GPC5: variants seen among roughly 807,000 people sequenced by gnomAD.
The protein encoded by GPC5 is glypican 5, also known as glypican-5.
A neutral mutation model predicts 53.9 loss-of-function variants in GPC5; 47 were observed. The observed-to-expected ratio is 0.87, with a 90% CI of 0.69 to 1.11. The LOEUF is 1.11. GPC5 is among the 50% of genes most tolerant of loss of function. The probability of loss-of-function intolerance (pLI) is 0.00; values close to 1 mark genes in which losing one functional copy is unlikely to be tolerated. For synonymous variants in GPC5, 286 were observed against 263.3 expected, an observed-to-expected ratio of 1.09 and a Z score of -0.84; for missense variants, 748 against 713.1, an observed-to-expected ratio of 1.05 and a Z score of -0.56.
rs1555320540 is a variant in GPC5, at chr13:91,534,789, G to GTTTGT, written c.325+85883_325+85887dup. 2.7e-3 allele frequency among the ~76,000 whole-genome samples: 408 copies of GTTTGT among 152,010 alleles called. 1 individual carries two copies. The highest frequency in any genetic ancestry group is 9.2e-3 in the African/African-American group (383 of 41,512). Reference sequence around the variant, plus strand: ...AATCCTGTTTGTTGTTTGTTTGTTTGTTTGTTTTGTTTTGTTTTGTACATA... The same window carrying GTTTGT: ...AATCCTGTTTGTTGTTTGTTTGTTTGTTTGTTTTGTTTTGTTTTGTTTTGTACATA... On this transcript the variant is annotated intron_variant, in intron 2 of 7. Transcript: ENST00000377067.
At chr13:92,040,289 G>A (rs968634557) in intron 6 of GPC5, among the ~76,000 whole-genome samples, 3 of 151,918 alleles carry the variant, frequency 2.0e-5, no homozygotes, top group East Asian at 1.9e-4. Flanking sequence ...AGAGGTGCAC[G>A]TTAAGTGCAT....
intron 5 of GPC5, among the ~76,000 whole-genome samples, chr13:91,849,423 C>T (rs1485347450): frequency 6.6e-6 from 1 of 152,158 alleles, no homozygotes; most frequent in Admixed American, 6.5e-5. Flanking sequence ...GGTTTAATAG[C>T]TCTATGAACA....
intron 7 of GPC5, among the ~76,000 whole-genome samples, chr13:92,309,672 T>C (rs2043133112): frequency 1.3e-5 from 2 of 152,140 alleles, no homozygotes; most frequent in Non-Finnish European, 2.9e-5. Flanking sequence ...GTGCATACAT[T>C]GTAAAATGAT....
At chr13:91,957,270 AG>A in intron 6 of GPC5, among the ~76,000 whole-genome samples, 1 of 152,316 alleles carries the variant, frequency 6.6e-6, no homozygotes, top group East Asian at 1.9e-4. Context: ...GAAATAACTC[AG>A]AAAAAGATTT....
rs71202562 is a variant in GPC5, at chr13:92,787,667, C to CAAAAAAAAAAAAAA, written c.1562-78612_1562-78599dup. Among the ~76,000 whole-genome samples the CAAAAAAAAAAAAAA allele has an allele frequency of 1.2e-3, 70 of 56,146 alleles. 2 individuals are homozygous for CAAAAAAAAAAAAAA. The highest frequency in any genetic ancestry group is 4.1e-3 in the African/African-American group (57 of 14,016). 36.8% of individuals were successfully genotyped at this position (56,146 alleles called of 152,430 possible). On this transcript the variant is annotated intron_variant, in intron 7 of 7. Transcript: ENST00000377067. Reference sequence around the variant, plus strand: ...GGGCAACAGAGAGACCTCATAGCTACAAAAAAAAAAAAAAAAGAAAAGAAA... The same window carrying CAAAAAAAAAAAAAA: ...GGGCAACAGAGAGACCTCATAGCTACAAAAAAAAAAAAAAAAAAAAAAAAAAAAAAGAAAAGAAA...
intron 7 of GPC5, among the ~76,000 whole-genome samples, chr13:92,706,212 A>G (rs933972409): frequency 3.9e-5 from 6 of 152,108 alleles, no homozygotes; most frequent in Non-Finnish European, 7.4e-5. Flanking sequence ...TTCATTTGCC[A>G]TGTTTGTAGG....
intron 5 of GPC5, among the ~76,000 whole-genome samples, chr13:91,770,222 C>T (rs2037597020): frequency 2.0e-5 from 3 of 152,136 alleles, no homozygotes; most frequent in Non-Finnish European, 1.5e-5. Context: ...CTTGCAGGTC[C>T]TCTCTGGGCA....
chr13:92,386,601 T>C (rs891642741), intron 7 of GPC5, among the ~76,000 whole-genome samples: 1 of 152,000 alleles, frequency 6.6e-6, no homozygotes, highest in Non-Finnish European at 1.5e-5. Flanking sequence ...TGTGTTGTAA[T>C]CACTGAATGG....
intron 7 of GPC5, among the ~76,000 whole-genome samples, chr13:92,497,244 C>A (rs1880013062): frequency 6.6e-6 from 1 of 152,124 alleles, no homozygotes; most frequent in South Asian, 2.1e-4. Context: ...TGGGGTTATA[C>A]ATTTTAAGTC....
At chr13:91,918,864 C>T (rs2039684348) in intron 6 of GPC5, among the ~76,000 whole-genome samples, 1 of 152,072 alleles carries the variant, frequency 6.6e-6, no homozygotes, top group Non-Finnish European at 1.5e-5. Flanking sequence ...CACGCAGTCC[C>T]TTTTATCTTC....
At chr13:92,053,047 C>T (rs2041043872) in intron 6 of GPC5, among the ~76,000 whole-genome samples, 1 of 152,026 alleles carries the variant, frequency 6.6e-6, no homozygotes, top group Admixed American at 6.6e-5. Flanking sequence ...ACTGGACAAC[C>T]GGTTTCTGAG....
At chr13:91,556,052 G>A (rs1453581958) in intron 2 of GPC5, among the ~76,000 whole-genome samples, 4 of 143,886 alleles carry the variant, frequency 2.8e-5, no homozygotes, top group Admixed American at 2.7e-4. Flanking sequence ...CCCTGGTGTT[G>A]CCCTTTCATA....
chr13:91,774,586 T>C (rs927967857), intron 5 of GPC5, among the ~76,000 whole-genome samples: 2 of 152,060 alleles, frequency 1.3e-5, no homozygotes, highest in African/African-American at 2.4e-5. Context: ...ATCTCCACTC[T>C]CCCCTTGACC....
chr13:92,699,960 T>A (rs111884971), intron 7 of GPC5, among the ~76,000 whole-genome samples: 10,736 of 152,212 alleles, frequency 0.071, 436 homozygotes, highest in South Asian at 0.16. Context: ...GTTCCAGAGA[T>A]GAGTTCAAAT....
chr13:92,381,923 T>TATATCATATATATGATATATATAATC (rs1446271555), intron 7 of GPC5, among the ~76,000 whole-genome samples: 1 of 132,500 alleles, frequency 7.5e-6, no homozygotes, highest in Non-Finnish European at 1.6e-5. Flanking sequence ...TATATAATCA[T>TATATCATATATATGATATATATAATC]ATATATGATT....
intron 5 of GPC5, among the ~76,000 whole-genome samples, chr13:91,767,576 A>G (rs1446635353): frequency 6.6e-6 from 1 of 152,164 alleles, no homozygotes; most frequent in East Asian, 1.9e-4. Context: ...AATTCTAGTC[A>G]TCTCCCTTTA....
intron 5 of GPC5, among the ~76,000 whole-genome samples, chr13:91,806,437 C>CTT (rs36011304): frequency 1.4e-5 from 2 of 148,132 alleles, no homozygotes; most frequent in Admixed American, 6.7e-5. Context: ...AATTTAATTT[C>CTT]TTTTTTTTTT....
At chr13:92,421,698 C>CCAAA (rs765570090) in intron 7 of GPC5, among the ~76,000 whole-genome samples, 2 of 69,508 alleles carry the variant, frequency 2.9e-5, no homozygotes, top group Admixed American at 3.9e-4. Context: ...GACTCCGTCT[C>CCAAA]AAAAAAAAAA....
chr13:92,757,387 A>C (rs1019129177), intron 7 of GPC5, among the ~76,000 whole-genome samples: 9 of 152,230 alleles, frequency 5.9e-5, no homozygotes, highest in African/African-American at 2.2e-4. Context: ...CATGGAAGAA[A>C]ACCTAGGCAA....
Sources: allele counts gnomAD v4.1 joint callset (sites outside exome capture counted in the v4.1 genomes callset), GRCh38; gene constraint gnomAD v4.1.1; transcripts MANE v1.5; gene names NCBI Gene and HGNC (gene_info 2026-07-23, HGNC 2026-07-21).